XKR4: variants seen among roughly 807,000 people sequenced by gnomAD.
XKR4 encodes XK-related protein 4.
XKR4 carries 12 observed loss-of-function variants against 53.9 expected under a neutral mutation model. That is an observed-to-expected ratio of 0.22 (90% CI 0.14 to 0.36). XKR4 has a LOEUF of 0.36. XKR4 is among the 10% of genes least tolerant of loss of function. The pLI, the probability that XKR4 is intolerant of heterozygous loss-of-function variation, is 1.00. For missense variants in XKR4, 799 were observed against 859.5 expected, an observed-to-expected ratio of 0.93 and a Z score of 0.88; for synonymous variants, 354 against 362.4, an observed-to-expected ratio of 0.98 and a Z score of 0.26.
intron 2 of XKR4, among the ~76,000 whole-genome samples, chr8:55,475,577 CACTT>C (rs1264996019): frequency 1.7e-4 from 23 of 132,362 alleles, no homozygotes; most frequent in Non-Finnish European, 3.3e-4. Context: ...CCACCATGCT[CACTT>C]ATTTATTTAT....
intron 1 of XKR4, among the ~76,000 whole-genome samples, chr8:55,198,101 A>G (rs1817529106): frequency 6.6e-6 from 1 of 152,188 alleles, no homozygotes; most frequent in African/African-American, 2.4e-5. Context: ...GCGCAGGAAC[A>G]TCTCTATCAC....
intron 1 of XKR4, among the ~76,000 whole-genome samples, chr8:55,314,246 G>A (rs149996629): frequency 1.3e-5 from 2 of 152,274 alleles, no homozygotes; most frequent in Non-Finnish European, 2.9e-5. Context: ...CCAAAAGCTG[G>A]CAGACAGACA....
rs532746179 is a variant in XKR4, at chr8:55,125,191, A to G, written c.806+21897A>G. Among the ~76,000 whole-genome samples, 5 of 152,218 alleles carry G rather than the reference A, an allele frequency of 3.3e-5. No individual in the cohort carries two copies. In the South Asian group the frequency reaches 1.0e-3, roughly 32 times the overall value. On this transcript the variant is annotated intron_variant, in intron 1 of 2. Coordinates refer to ENST00000327381, the MANE Select transcript of XKR4 (RefSeq NM_052898.2). ...AGGGTTATAGATCGTAAGAAGTTCTATTTGCAGTTATTATTATTAACTTGC... is the reference window on the plus strand; with the variant it reads ...AGGGTTATAGATCGTAAGAAGTTCTGTTTGCAGTTATTATTATTAACTTGC...
rs565715389 is a variant in XKR4 at position 55,527,652 on chromosome 8, G to T, written c.*3425G>T. 1 of 152,236 alleles carries T rather than the reference G, an allele frequency of 6.6e-6. No homozygotes were observed. The highest frequency in any genetic ancestry group is 1.9e-4 in the East Asian group (1 of 5,188). 9.4% of individuals were successfully genotyped at this position (152,236 alleles called of 1,614,324 possible). The stretch of plus-strand genomic sequence containing the variant: ...TTGCTTATTTACTTAACTACATACT[G>T]TCTAGTTCAATAGCACTGACTTTGC... On this transcript the variant is annotated 3_prime_UTR_variant, in exon 3 of 3. Transcript: ENST00000327381.
chr8:55,487,529 C>T (rs193146664), intron 2 of XKR4, among the ~76,000 whole-genome samples: 2 of 150,732 alleles, frequency 1.3e-5, no homozygotes, highest in Admixed American at 1.3e-4. Flanking sequence ...CACAGCGGAA[C>T]AATCCTGGCT....
chr8:55,102,739 C>G lies in XKR4; in HGVS notation c.251C>G (p.Ala84Gly). Reference protein sequence around the residue: ...SAGSGGSGGVAGPGGGGAGSA... With the variant: ...SAGSGGSGGVGGPGGGGAGSA... ...GGCTCGGGCGGCTCCGGCGGCGTCG[C>G]CGGCCCGGGCGGCGGCGGGGCGGGC... Residue 84 changes from alanine (A) to glycine (G), a missense_variant, in exon 1 of 3, where the codon GCC becomes GGC. Physicochemically the swap from Ala to Gly is moderately conservative, Grantham distance 60. Coordinates refer to ENST00000327381, the MANE Select transcript of XKR4 (RefSeq NM_052898.2). The surrounding 1 kb of genome is among the most constrained non-coding windows in gnomAD (Gnocchi z 5.1). The G allele has an allele frequency of 2.5e-6, 3 of 1,198,096 alleles. No individual in the cohort carries two copies. The highest frequency in any genetic ancestry group is 3.1e-6 in the Non-Finnish European group (3 of 966,538). 74.2% of individuals were successfully genotyped at this position (1,198,096 alleles called of 1,614,324 possible). A position where few individuals can be genotyped will look rare whatever the true frequency, so the allele number is the denominator to read the frequency against.
chr8:55,180,850 T>A (rs968017519), intron 1 of XKR4, among the ~76,000 whole-genome samples: 21 of 152,152 alleles, frequency 1.4e-4, no homozygotes, highest in Admixed American at 8.5e-4. Flanking sequence ...AGGTATTTTT[T>A]AAAAATTATT....
At chr8:55,449,409 G>T (rs952318912) in intron 2 of XKR4, 2 of 647,352 alleles carry the variant, frequency 3.1e-6, no homozygotes, top group East Asian at 2.8e-5. Context: ...CACTACTGCC[G>T]AGGGCCGGGC....
At chr8:55,293,882 C>A (rs1819064451) in intron 1 of XKR4, among the ~76,000 whole-genome samples, 1 of 152,138 alleles carries the variant, frequency 6.6e-6, no homozygotes, top group Non-Finnish European at 1.5e-5. Flanking sequence ...GAAAAAATAA[C>A]CATCCAGTCT....
chr8:55,397,756 T>C (rs1338183228), intron 2 of XKR4, among the ~76,000 whole-genome samples: 1 of 152,178 alleles, frequency 6.6e-6, no homozygotes, highest in Non-Finnish European at 1.5e-5. Context: ...CCTTCATCAA[T>C]GGTCTTCCAG....
intron 2 of XKR4, among the ~76,000 whole-genome samples, chr8:55,365,550 C>CA (rs1312796614): frequency 6.6e-6 from 1 of 151,746 alleles, no homozygotes; most frequent in Admixed American, 6.6e-5. Flanking sequence ...ACTAAAATTA[C>CA]AAAAAAATTA....
At chr8:55,248,431 G>C (rs1818319332) in intron 1 of XKR4, among the ~76,000 whole-genome samples, 1 of 152,216 alleles carries the variant, frequency 6.6e-6, no homozygotes, top group Non-Finnish European at 1.5e-5. Flanking sequence ...TAGCAGACGT[G>C]TAAGCCAAGT....
intron 2 of XKR4, among the ~76,000 whole-genome samples, chr8:55,360,617 C>A (rs542021824): frequency 6.6e-6 from 1 of 152,296 alleles, no homozygotes; most frequent in East Asian, 1.9e-4. Context: ...CTAAAACATT[C>A]TTATTTAGCA....
chr8:55,242,567 A>T (rs1351322455), intron 1 of XKR4, among the ~76,000 whole-genome samples: 1 of 152,244 alleles, frequency 6.6e-6, no homozygotes, highest in Non-Finnish European at 1.5e-5. Context: ...GTTTGCTAAA[A>T]ATCAAGTAAA....
chr8:55,478,462 C>G (rs1280381267), intron 2 of XKR4, among the ~76,000 whole-genome samples: 1 of 152,032 alleles, frequency 6.6e-6, no homozygotes, highest in Non-Finnish European at 1.5e-5. Context: ...AATGTAAAGA[C>G]CATCAAGGCT....
rs370628172 is a variant in XKR4 at position 55,509,413 on chromosome 8, AT to A, written c.1007-13865del. On this transcript the variant is annotated intron_variant, in intron 2 of 2. Transcript: ENST00000327381. ...TTTGTTTCACTGGTTCTGTCAGTAA[AT>A]TTCTATAATCAGCCCAAACATGCAA... 4.0e-3 allele frequency among the ~76,000 whole-genome samples: 603 copies of A among 152,254 alleles called. 4 individuals are homozygous for A. The highest frequency in any genetic ancestry group is 0.014 in the African/African-American group (561 of 41,554).
chr8:55,369,071 G>A (rs889348787), intron 2 of XKR4, among the ~76,000 whole-genome samples: 1 of 152,014 alleles, frequency 6.6e-6, no homozygotes, highest in Non-Finnish European at 1.5e-5. Context: ...ACTCAGAAAT[G>A]AAAATCTTGG....
chr8:55,195,466 C>A (rs1817493100), intron 1 of XKR4, among the ~76,000 whole-genome samples: 2 of 149,258 alleles, frequency 1.3e-5, no homozygotes, highest in African/African-American at 2.5e-5. Flanking sequence ...AATATATAGC[C>A]TAAATATAAA....
intron 2 of XKR4, chr8:55,452,740 T>C: frequency 1.1e-6 from 1 of 915,342 alleles, no homozygotes; most frequent in East Asian, 2.4e-5. Flanking sequence ...CAGGTCTCTC[T>C]GTCCTCAAAG....
Sources: allele counts gnomAD v4.1 joint callset (sites outside exome capture counted in the v4.1 genomes callset), GRCh38; gene constraint gnomAD v4.1.1; non-coding constraint Gnocchi (gnomAD v3.1); transcripts MANE v1.5; gene names NCBI Gene and HGNC (gene_info 2026-07-23, HGNC 2026-07-21).